Variants in MTHFD1 observed in about 807,000 individuals in gnomAD.
MTHFD1 encodes the protein C-1-tetrahydrofolate synthase, cytoplasmic.
Under a neutral mutation model 110.3 loss-of-function variants are expected in MTHFD1, and 44 were observed. That is an observed-to-expected ratio of 0.40 (90% CI 0.31 to 0.51). MTHFD1 has a LOEUF of 0.51. MTHFD1 is among the 20% of genes least tolerant of loss of function. MTHFD1 has a pLI of 0.60. For missense variants in MTHFD1, 909 were observed against 1,173.1 expected, an observed-to-expected ratio of 0.77 and a Z score of 3.29; for synonymous variants, 402 against 428.8, an observed-to-expected ratio of 0.94 and a Z score of 0.77.
chr14:64,408,285 C>CCTTTTTT lies in MTHFD1; in HGVS notation c.127-2805_127-2804insCTTTTTT, dbSNP rs34166790. Reference sequence around the variant, plus strand: ...CCACCTTCAAGGAGAAATCAGCATTCTTTTTTTTTTTTTTTTTTTTGAGAT... The same window carrying CCTTTTTT: ...CCACCTTCAAGGAGAAATCAGCATTCCTTTTTTTTTTTTTTTTTTTTTTTTTTGAGAT... On this transcript the variant is annotated intron_variant, in intron 2 of 27. Transcript: ENST00000652337. 7.4e-5 allele frequency among the ~76,000 whole-genome samples: 9 copies of CCTTTTTT among 121,184 alleles called. 2 individuals carry two copies. Among genetic ancestry groups the CCTTTTTT allele is most frequent in the Non-Finnish European group, 6.6e-5 (4 of 60,672 alleles). 79.5% of individuals were successfully genotyped at this position (121,184 alleles called of 152,430 possible).
Position 64,441,461 on chromosome 14 carries a change from G to C in MTHFD1, c.1884+8G>C. 1 of 1,613,796 alleles carries C rather than the reference G, an allele frequency of 6.2e-7. No homozygotes were observed. The highest frequency in any genetic ancestry group is 8.5e-7 in the Non-Finnish European group (1 of 1,179,780). ...CTCATGCAGACACTGGAGGTGAGCA[G>C]AGTGACTCCTGCCTTCTTGAATTGG... On this transcript the variant is annotated splice_region_variant and intron_variant, in intron 19 of 27. Transcript: ENST00000652337.
Position 64,433,498 on chromosome 14 carries a change from G to GCC in MTHFD1, c.1494+1638_1494+1639dup, listed in dbSNP as rs1209207554. Among the ~76,000 whole-genome samples the GCC allele has an allele frequency of 4.6e-5, 7 of 152,120 alleles. No homozygotes were observed. In the East Asian group the frequency reaches 1.2e-3, roughly 25 times the overall value. On this transcript the variant is annotated intron_variant, in intron 15 of 27. Coordinates refer to ENST00000652337, the MANE Select transcript of MTHFD1 (RefSeq NM_005956.4). ...CGTGGTGCAATCACATCTTACTACAGCCTCAACCTCCAGGACTCAAGTGAT... is the reference window on the plus strand; with the variant it reads ...CGTGGTGCAATCACATCTTACTACAGCCCCTCAACCTCCAGGACTCAAGTGAT...
intron 1 of MTHFD1, among the ~76,000 whole-genome samples, chr14:64,390,181 T>C (rs899862171): frequency 6.6e-6 from 1 of 152,212 alleles, no homozygotes; most frequent in African/African-American, 2.4e-5. Context: ...TCTAGGTCAT[T>C]GGGATGTTAG....
intron 16 of MTHFD1, among the ~76,000 whole-genome samples, chr14:64,438,154 G>A (rs1180234584): frequency 6.6e-6 from 1 of 152,168 alleles, no homozygotes; most frequent in Non-Finnish European, 1.5e-5. Context: ...ATTTACAGGC[G>A]TGAGCCACTG....
At chr14:64,446,016 G>A (rs901354036) in intron 22 of MTHFD1, among the ~76,000 whole-genome samples, 5 of 151,778 alleles carry the variant, frequency 3.3e-5, no homozygotes, top group Admixed American at 3.3e-4. Flanking sequence ...TGCTTTTTTG[G>A]GATCAACAAA....
chr14:64,444,612 C>A, intron 21 of MTHFD1, 81 bp from the exon 22 acceptor site: 1 of 1,504,122 alleles, frequency 6.6e-7, no homozygotes, highest in Non-Finnish European at 9.3e-7. Flanking sequence ...CAGCGTCTTG[C>A]CTTTAACACA....
intron 10 of MTHFD1, 81 bp from the exon 11 acceptor site, chr14:64,425,938 T>C (rs1385262014): frequency 6.3e-6 from 10 of 1,588,006 alleles, no homozygotes; most frequent in African/African-American, 1.3e-5. Context: ...TGGTTGGGGT[T>C]GGGTTGGGGG....
intron 21 of MTHFD1, among the ~76,000 whole-genome samples, chr14:64,444,203 CTT>C (rs1201859199): frequency 6.6e-6 from 1 of 152,146 alleles, no homozygotes; most frequent in Non-Finnish European, 1.5e-5. Context: ...TGTTTTCCCT[CTT>C]GTTTGTATTG....
intron 8 of MTHFD1, chr14:64,423,102 CT>C (rs1196731598): frequency 9.2e-5 from 14 of 152,088 alleles, no homozygotes; most frequent in African/African-American, 3.4e-4. Context: ...TCTATATTTC[CT>C]TGGCATTTTG....
intron 12 of MTHFD1, 95 bp from the exon 13 acceptor site, chr14:64,430,089 C>A: frequency 9.8e-7 from 1 of 1,024,490 alleles, no homozygotes; most frequent in Non-Finnish European, 1.6e-6. Context: ...AATAAATGTG[C>A]TTAGTAGTTA....
Position 64,417,171 on chromosome 14 carries a change from C to A in MTHFD1, c.479-717C>A, listed in dbSNP as rs1462855160. 1.3e-5 allele frequency among the ~76,000 whole-genome samples: 2 copies of A among 152,090 alleles called. No individual in the cohort carries two copies. The highest frequency in any genetic ancestry group is 2.4e-5 in the African/African-American group (1 of 41,386). ...CCTACAGCCTGGTTCCATCCTCATGCCTAACAGTCATGGGATTGGATCTTA... is the reference window on the plus strand; with the variant it reads ...CCTACAGCCTGGTTCCATCCTCATGACTAACAGTCATGGGATTGGATCTTA... On this transcript the variant is annotated intron_variant, in intron 6 of 27. Coordinates refer to ENST00000652337, the MANE Select transcript of MTHFD1 (RefSeq NM_005956.4). This position sits in a 1 kb window ranked among gnomAD's most constrained non-coding sequence, Gnocchi z 4.4.
intron 13 of MTHFD1, among the ~76,000 whole-genome samples, 162 bp downstream of exon 13, chr14:64,430,392 A>G (rs1387517545): frequency 2.0e-5 from 3 of 150,578 alleles, no homozygotes; most frequent in Non-Finnish European, 1.5e-5. Context: ...TCTGCCTCCC[A>G]GGTTCAAGCA....
chr14:64,441,647 A>G (rs544629623), intron 19 of MTHFD1, 194 bp downstream of exon 19: 11 of 598,050 alleles, frequency 1.8e-5, no homozygotes, highest in Non-Finnish European at 3.0e-5. Context: ...TCTACTAAAA[A>G]TACAAAAAAT....
intron 2 of MTHFD1, among the ~76,000 whole-genome samples, chr14:64,402,402 T>C (rs2077904637): frequency 6.6e-6 from 1 of 152,226 alleles, no homozygotes; most frequent in African/African-American, 2.4e-5. Context: ...ATAAAAAATT[T>C]TAATTTTCAC....
rs372704238 is a variant in MTHFD1 at position 64,441,503 on chromosome 14, C to T, written c.1884+50C>T. 3 of 1,579,750 alleles carry T rather than the reference C, an allele frequency of 1.9e-6. No individual in the cohort carries two copies. In the African/African-American group the frequency reaches 4.0e-5, roughly 21 times the overall value. ...TTGAATTGGTTTTGGACAGTCAGAG[C>T]AGAGTGGTTATAAAGCACACTTGCA... On this transcript the variant is annotated intron_variant, in intron 19 of 27. Coordinates refer to ENST00000652337, the MANE Select transcript of MTHFD1 (RefSeq NM_005956.4).
chr14:64,442,759 G>A (rs552956817), intron 21 of MTHFD1, among the ~76,000 whole-genome samples: 28 of 152,258 alleles, frequency 1.8e-4, no homozygotes, highest in African/African-American at 6.3e-4. Context: ...CTGGCAACCA[G>A]CCAACCAAAC....
chr14:64,403,137 C>T (rs574327176), intron 2 of MTHFD1, among the ~76,000 whole-genome samples: 9 of 150,510 alleles, frequency 6.0e-5, no homozygotes, highest in Non-Finnish European at 7.4e-5. Context: ...TTTTTTGAGA[C>T]GGAGTCTTGC....
chr14:64,410,214 GTC>G (rs780614182), intron 2 of MTHFD1, among the ~76,000 whole-genome samples: 2 of 152,096 alleles, frequency 1.3e-5, no homozygotes, highest in South Asian at 2.1e-4. Context: ...GTTTCTCCCT[GTC>G]TCTCTCTTTT....
intron 21 of MTHFD1, among the ~76,000 whole-genome samples, chr14:64,443,484 G>T (rs1356214760): frequency 6.6e-6 from 1 of 152,190 alleles, no homozygotes; most frequent in Admixed American, 6.5e-5. Flanking sequence ...CTCAATGAGA[G>T]AATGATAATG....
Sources: allele counts gnomAD v4.1 joint callset (sites outside exome capture counted in the v4.1 genomes callset), GRCh38; gene constraint gnomAD v4.1.1; non-coding constraint Gnocchi (gnomAD v3.1); transcripts MANE v1.5; gene names NCBI Gene and HGNC (gene_info 2026-07-23, HGNC 2026-07-21).